ESYT1: variants seen among roughly 807,000 people sequenced by gnomAD.
ESYT1 encodes the protein extended synaptotagmin 1, also known as extended synaptotagmin-1.
In ESYT1, 116 loss-of-function variants were observed where a neutral mutation model predicts 154.2. The ratio of observed to expected loss-of-function variants is 0.75; its 90% CI spans 0.65 to 0.88. The LOEUF (loss-of-function observed/expected upper bound fraction) is 0.88. Among genes scored for constraint, ESYT1 ranks in the 40% least tolerant of loss-of-function variants. ESYT1 has a pLI of 0.00. For synonymous variants in ESYT1, 500 were observed against 539.9 expected (o/e 0.93, Z 1.02); for missense variants, 1,264 against 1,379.3 (o/e 0.92, Z 1.32).
Position 56,143,155 on chromosome 12 carries a change from C to G in ESYT1, c.3119+7C>G. ...GTCCTGAATTTAATGAACGGTCAGT[C>G]AGTGGGCATTCAGGTGGAGAGATGG... On this transcript the variant is annotated splice_region_variant and intron_variant, in intron 28 of 30. Coordinates refer to ENST00000394048, the MANE Select transcript of ESYT1 (RefSeq NM_015292.3). 4 of 1,614,132 alleles carry G rather than the reference C, an allele frequency of 2.5e-6. No individual in the cohort carries two copies. Among genetic ancestry groups the G allele is most frequent in the Non-Finnish European group, 3.4e-6 (4 of 1,180,022 alleles).
chr12:56,144,301 G>C lies in ESYT1; in HGVS notation c.*439G>C. The C allele has an allele frequency of 9.6e-7, 1 of 1,046,296 alleles. No individual in the cohort carries two copies. Among genetic ancestry groups the C allele is most frequent in the East Asian group, 8.1e-5 (1 of 12,328 alleles). 64.8% of individuals were successfully genotyped at this position (1,046,296 alleles called of 1,614,324 possible). ...GAAGGTGGACAGGCTAACCTCTCCA[G>C]CTGTGAGCCTCTTAGACTACTGCAT... is the stretch of plus-strand genomic sequence containing the variant. On this transcript the variant is annotated 3_prime_UTR_variant, in exon 31 of 31. Coordinates refer to ENST00000394048, the MANE Select transcript of ESYT1 (RefSeq NM_015292.3).
chr12:56,143,277 G>A lies in ESYT1; in HGVS notation c.3169G>A (p.Val1057Ile). 6.2e-7 allele frequency: 1 copy of A among 1,614,202 alleles called. No homozygotes were observed. Among genetic ancestry groups the A allele is most frequent in the Non-Finnish European group, 8.5e-7 (1 of 1,180,032 alleles). Reference protein sequence around the residue: ...LDEAQRRKLDVSVKSNSSFMS... With the variant: ...LDEAQRRKLDISVKSNSSFMS... ...TGAGGCCCAGAGACGAAAGCTGGATGTCTCTGTCAAGTCTAATTCCTCCTT... is the reference window on the plus strand; with the variant it reads ...TGAGGCCCAGAGACGAAAGCTGGATATCTCTGTCAAGTCTAATTCCTCCTT... Residue 1057 changes from valine (V) to isoleucine (I), a missense_variant, in exon 29 of 31, where the codon GTC becomes ATC. Transcript: ENST00000394048.
chr12:56,143,827 G>C lies in ESYT1; in HGVS notation c.3280G>C (p.Asp1094His), dbSNP rs1870813452. Residue 1094 changes from aspartate to histidine, a missense_variant, in exon 31 of 31, where the codon GAC (aspartate) becomes CAC (histidine). Physicochemically the swap from Asp to His is moderately conservative, Grantham distance 81 (BLOSUM62 -1). Transcript: ENST00000394048. ...ACATGAGCCCTCTTTTCACAGGTATGACCTGATGGACAACAAGGACAAGGG... is the reference window on the plus strand; with the variant it reads ...ACATGAGCCCTCTTTTCACAGGTATCACCTGATGGACAACAAGGACAAGGG... ...DLSQGVARWY[D>H]LMDNKDKGSS The C allele has an allele frequency of 6.2e-7, 1 of 1,614,066 alleles. No individual in the cohort carries two copies. Among genetic ancestry groups the C allele is most frequent in the Non-Finnish European group, 8.5e-7 (1 of 1,179,972 alleles).
At chr12:56,131,376 T>C in intron 5 of ESYT1, 60 bp downstream of exon 5, 1 of 1,610,428 alleles carries the variant, frequency 6.2e-7, no homozygotes, top group Admixed American at 1.7e-5. Flanking sequence ...TCATGGGATA[T>C]GGGGAAGTGT....
In ESYT1 at chr12:56,144,620, T is replaced by G. The variant is rs1428814151; in HGVS notation, c.*758T>G. 8.1e-6 allele frequency: 8 copies of G among 985,292 alleles called. No individual in the cohort carries two copies. Among genetic ancestry groups the G allele is most frequent in the Non-Finnish European group, 9.6e-6 (8 of 829,936 alleles). 61.0% of individuals were successfully genotyped at this position (985,292 alleles called of 1,614,324 possible). On this transcript the variant is annotated 3_prime_UTR_variant, in exon 31 of 31. Transcript: ENST00000394048. ...GAACTTAATCTGGTACTTTACAGTT[T>G]TGCACCAACTCTGCCAAGCCACTGG... is the stretch of plus-strand genomic sequence containing the variant.
intron 4 of ESYT1, 45 bp from the exon 5 acceptor site, chr12:56,131,199 A>G: frequency 1.9e-6 from 3 of 1,613,914 alleles, no homozygotes; most frequent in Non-Finnish European, 2.5e-6. Flanking sequence ...CCGCAACTTC[A>G]GCCAAGGACT....
In ESYT1 at chr12:56,142,799, C is replaced by G; in HGVS notation, c.2889-36C>G. 1 of 1,613,770 alleles carries G rather than the reference C, an allele frequency of 6.2e-7. No homozygotes were observed. The highest frequency in any genetic ancestry group is 8.5e-7 in the Non-Finnish European group (1 of 1,179,880). On this transcript the variant is annotated intron_variant, in intron 26 of 30. Coordinates refer to ENST00000394048, the MANE Select transcript of ESYT1 (RefSeq NM_015292.3). The surrounding 1 kb of genome is among the most constrained non-coding windows in gnomAD (Gnocchi z 4.1). ...AAAAGTATTACAGGTTCACTAGGCT[C>G]TAGCTTTCCCCAGACCTACTGATAT...
At chr12:56,130,167 T>C (rs1459544966) in intron 1 of ESYT1, among the ~76,000 whole-genome samples, 1 of 152,156 alleles carries the variant, frequency 6.6e-6, no homozygotes, top group Non-Finnish European at 1.5e-5. Flanking sequence ...GGCCTCGGCC[T>C]CCCAAAGTGC....
Position 56,131,819 on chromosome 12 carries a change from C to T in ESYT1, c.860+15C>T. On this transcript the variant is annotated intron_variant, in intron 7 of 30. Coordinates refer to ENST00000394048, the MANE Select transcript of ESYT1 (RefSeq NM_015292.3). ...CCAGGACTTAGGTATCAAGGACTTA[C>T]TGAGCACCTGCTGAGTGTTCCAGCG... The T allele has an allele frequency of 6.2e-7, 1 of 1,613,806 alleles. No homozygotes were observed. The highest frequency in any genetic ancestry group is 8.5e-7 in the Non-Finnish European group (1 of 1,179,700).
intron 15 of ESYT1, among the ~76,000 whole-genome samples, chr12:56,134,685 A>G (rs1035526357): frequency 1.3e-5 from 2 of 149,490 alleles, no homozygotes; most frequent in Non-Finnish European, 3.0e-5. Context: ...CGAAACCTCC[A>G]CCACCTGGGT....
Position 56,142,308 on chromosome 12 carries a change from G to C in ESYT1, c.2616G>C (p.Val872=). Residue 872 remains valine (V), a synonymous_variant, in exon 25 of 31, where the codon GTG becomes GTC. Transcript: ENST00000394048. This position sits in a 1 kb window ranked among gnomAD's most constrained non-coding sequence, Gnocchi z 4.1. ...ELQVRGEGTG[V]LGSLSLPLSE... ...AGGTTCGGGGTGAGGGCACTGGCGT[G>C]CTGGGCTCATTATCCCTGCCCCTCT... 1 of 1,614,152 alleles carries C rather than the reference G, an allele frequency of 6.2e-7. No homozygotes were observed. Among genetic ancestry groups the C allele is most frequent in the South Asian group, 1.1e-5 (1 of 91,080 alleles).
At chr12:56,131,870 G>C in intron 7 of ESYT1, 66 bp downstream of exon 7, 1 of 1,521,642 alleles carries the variant, frequency 6.6e-7, no homozygotes, top group Non-Finnish European at 9.1e-7. Flanking sequence ...AAGGGACACA[G>C]AGCAGTCAAA....
Position 56,128,362 on chromosome 12 carries a change from G to A in ESYT1, c.43G>A (p.Asp15Asn), listed in dbSNP as rs760993231. 6.2e-7 allele frequency: 1 copy of A among 1,612,506 alleles called. No homozygotes were observed. Among genetic ancestry groups the A allele is most frequent in the Non-Finnish European group, 8.5e-7 (1 of 1,179,468 alleles). ...AGAGGGCCCCAGCCCCAGCCCCATGGACCAGCCCTCTGCTCCCTCCGACCC... is the reference window on the plus strand; with the variant it reads ...AGAGGGCCCCAGCCCCAGCCCCATGAACCAGCCCTCTGCTCCCTCCGACCC... ...PGEGPSPSPM[D>N]QPSAPSDPTD... Residue 15 changes from aspartate to asparagine, a missense_variant, in exon 1 of 31, where the codon GAC (aspartate) becomes AAC (asparagine). Transcript: ENST00000394048.
chr12:56,137,909 G>C lies in ESYT1; in HGVS notation c.2193G>C (p.Leu731=). Residue 731 remains leucine, a synonymous_variant, in exon 19 of 31, where the codon CTG becomes CTC. Coordinates refer to ENST00000394048, the MANE Select transcript of ESYT1 (RefSeq NM_015292.3). ...AGGACTTGGACAAGGATGATTTTCT[G>C]GGCAGGTGAGAGCATAGGAGTCTAC... ...FDKDLDKDDF[L]GRCKVRLTTV... The C allele has an allele frequency of 6.2e-7, 1 of 1,614,198 alleles. No individual in the cohort carries two copies. Among genetic ancestry groups the C allele is most frequent in the South Asian group, 1.1e-5 (1 of 91,082 alleles).
At chr12:56,131,832 G>A (rs1477497785) in intron 7 of ESYT1, 28 bp downstream of exon 7, 27 of 1,608,262 alleles carry the variant, frequency 1.7e-5, no homozygotes, top group Non-Finnish European at 2.3e-5. Context: ...AGCACCTGCT[G>A]AGTGTTCCAG....
intron 15 of ESYT1, among the ~76,000 whole-genome samples, chr12:56,134,667 C>T (rs1275281616): frequency 1.3e-4 from 19 of 151,408 alleles, no homozygotes; most frequent in Non-Finnish European, 1.0e-4. Context: ...GGTGCGATCT[C>T]GGCTTACCGA....
chr12:56,137,749 C>A (rs1166311632), intron 18 of ESYT1, 74 bp downstream of exon 18: 43 of 1,610,932 alleles, frequency 2.7e-5, no homozygotes, highest in Non-Finnish European at 3.0e-5. Context: ...CCAGAAACCT[C>A]TGAGGTTCAG....
Position 56,144,476 on chromosome 12 carries a change from A to G in ESYT1, c.*614A>G, listed in dbSNP as rs2136890878. The G allele has an allele frequency of 1.0e-6, 1 of 986,336 alleles. No individual in the cohort carries two copies. Among genetic ancestry groups the G allele is most frequent in the South Asian group, 4.7e-5 (1 of 21,360 alleles). The allele number at this position is 986,336 out of a possible 1,614,324, so 61.1% of individuals were successfully genotyped here. A position where few individuals can be genotyped will look rare whatever the true frequency, so the allele number is the denominator to read the frequency against. On this transcript the variant is annotated 3_prime_UTR_variant, in exon 31 of 31. Transcript: ENST00000394048. ...ACGCGTGGATTCTACTCAAGCCTCC[A>G]AGTAGTGGCATATCAGTCTTGGAGC... is the stretch of plus-strand genomic sequence containing the variant.
At chr12:56,139,092 G>C (rs1359150299) in intron 24 of ESYT1, 79 bp downstream of exon 24, 6 of 1,052,038 alleles carry the variant, frequency 5.7e-6, no homozygotes, top group Admixed American at 3.8e-5. Flanking sequence ...AGCATTCAGA[G>C]ATGAGATAAA....
Sources: allele counts gnomAD v4.1 joint callset (sites outside exome capture counted in the v4.1 genomes callset), GRCh38; gene constraint gnomAD v4.1.1; non-coding constraint Gnocchi (gnomAD v3.1); transcripts MANE v1.5; gene names NCBI Gene and HGNC (gene_info 2026-07-23, HGNC 2026-07-21).